AVL9: variants seen among roughly 807,000 people sequenced by gnomAD.
The protein encoded by AVL9 is late secretory pathway protein AVL9 homolog.
Under a neutral mutation model 79.2 loss-of-function variants are expected in AVL9, and 49 were observed. That is an observed-to-expected ratio of 0.62 (90% CI 0.49 to 0.79). The LOEUF (loss-of-function observed/expected upper bound fraction) is 0.79. AVL9 is among the 30% of genes least tolerant of loss of function. The pLI, the probability that AVL9 is intolerant of heterozygous loss-of-function variation, is 0.00. For missense variants in AVL9, 682 were observed against 776.8 expected (o/e 0.88, Z 1.45); for synonymous variants, 299 against 280.6 (o/e 1.07, Z -0.65).
chr7:32,558,493 T>A, intron 8 of AVL9, 66 bp from the exon 9 acceptor site: 1 of 1,256,686 alleles, frequency 8.0e-7, no homozygotes, highest in South Asian at 1.3e-5. Context: ...TCCCTCTTTT[T>A]TATTTGTTAT....
At chr7:32,523,149 C>T (rs1395235853) in intron 1 of AVL9, among the ~76,000 whole-genome samples, 2 of 11,674 alleles carry the variant, frequency 1.7e-4, no homozygotes, top group African/African-American at 5.6e-4. Flanking sequence ...GGGTAATTAA[C>T]CAAAAAAAAA....
chr7:32,527,481 A>T (rs1374455685), intron 1 of AVL9, among the ~76,000 whole-genome samples: 6 of 152,138 alleles, frequency 3.9e-5, no homozygotes, highest in African/African-American at 1.4e-4. Context: ...CAGTGCATAC[A>T]AGTTAAAAAT....
At chr7:32,562,249 G>A (rs924817666) in intron 10 of AVL9, among the ~76,000 whole-genome samples, 13 of 149,134 alleles carry the variant, frequency 8.7e-5, no homozygotes, top group Non-Finnish European at 1.6e-4. Flanking sequence ...AAAAAGAGGT[G>A]CCTATGTATA....
At chr7:32,540,959 C>T (rs1789167727) in intron 1 of AVL9, among the ~76,000 whole-genome samples, 10 of 124,288 alleles carry the variant, frequency 8.0e-5, no homozygotes, top group South Asian at 7.9e-4. Context: ...AGTGCAGTGG[C>T]GGGATCTTGG....
At chr7:32,565,037 C>T (rs1239653468) in intron 10 of AVL9, among the ~76,000 whole-genome samples, 8 of 152,106 alleles carry the variant, frequency 5.3e-5, no homozygotes, top group Admixed American at 5.2e-4. Context: ...CCATTCTTCC[C>T]TGATTTTAAG....
intron 10 of AVL9, among the ~76,000 whole-genome samples, chr7:32,562,348 ATAT>A (rs760341045): frequency 5.3e-5 from 8 of 152,196 alleles, no homozygotes; most frequent in East Asian, 1.9e-4. Flanking sequence ...ACAAATACAA[ATAT>A]TATACATATG....
chr7:32,512,752 G>C lies in AVL9; in HGVS notation c.93+16950G>C, dbSNP rs573636334. 5.3e-5 allele frequency among the ~76,000 whole-genome samples: 8 copies of C among 152,284 alleles called. No homozygotes were observed. The South Asian group carries it at 1.7e-3, about 32-fold the overall frequency. On this transcript the variant is annotated intron_variant, in intron 1 of 15. Coordinates refer to ENST00000318709, the MANE Select transcript of AVL9 (RefSeq NM_015060.3). ...AGCAGTAACAGAAATCTTCGAGCTT[G>C]CAGGATGGCAGATAAGAAACAACTT...
intron 1 of AVL9, among the ~76,000 whole-genome samples, chr7:32,516,578 G>A (rs959856592): frequency 6.6e-6 from 1 of 152,106 alleles, no homozygotes; most frequent in Non-Finnish European, 1.5e-5. Context: ...GCCCTACAGG[G>A]AATCCCCAAC....
At chr7:32,502,392 CAAAAAA>C (rs70992721) in intron 1 of AVL9, among the ~76,000 whole-genome samples, 1 of 114,400 alleles carries the variant, frequency 8.7e-6, no homozygotes, top group Non-Finnish European at 1.7e-5. Flanking sequence ...AACCCTTTCT[CAAAAAA>C]AAAAAAAAAA....
chr7:32,502,688 G>A (rs528466415), intron 1 of AVL9, among the ~76,000 whole-genome samples: 1 of 151,924 alleles, frequency 6.6e-6, no homozygotes, highest in South Asian at 2.1e-4. Flanking sequence ...CATTTTTTTG[G>A]TGAAGTTTGT....
intron 3 of AVL9, 45 bp downstream of exon 3, chr7:32,544,824 G>A: frequency 7.1e-7 from 1 of 1,413,036 alleles, no homozygotes; most frequent in Non-Finnish European, 1.0e-6. Context: ...TCCCTTCTTA[G>A]ATGTTGGACA....
chr7:32,522,097 A>G (rs1788182937), intron 1 of AVL9, among the ~76,000 whole-genome samples: 1 of 152,242 alleles, frequency 6.6e-6, no homozygotes, highest in African/African-American at 2.4e-5. Flanking sequence ...GGGCCCTCAT[A>G]GAGAACCTCT....
chr7:32,498,060 TA>T (rs1450001596), intron 1 of AVL9, among the ~76,000 whole-genome samples: 3 of 152,332 alleles, frequency 2.0e-5, no homozygotes, highest in Admixed American at 1.3e-4. Flanking sequence ...ACCTTTGTTT[TA>T]AAAGTGATGC....
intron 1 of AVL9, among the ~76,000 whole-genome samples, chr7:32,523,508 CTTTTTTTTTT>C (rs70992725): frequency 7.6e-5 from 6 of 79,278 alleles, no homozygotes; most frequent in East Asian, 8.9e-4. Flanking sequence ...TATAAATTTC[CTTTTTTTTTT>C]TTTTTTTTTT....
At chr7:32,525,640 G>T (rs4573152) in intron 1 of AVL9, among the ~76,000 whole-genome samples, 8 of 151,938 alleles carry the variant, frequency 5.3e-5, no homozygotes, top group Admixed American at 5.3e-4. Context: ...GTAATCTCTA[G>T]AGAGTATCAG....
At chr7:32,573,462 T>G (rs754415869) in intron 12 of AVL9, 44 bp downstream of exon 12, 7 of 1,533,532 alleles carry the variant, frequency 4.6e-6, no homozygotes, top group Non-Finnish European at 6.3e-6. Flanking sequence ...TTTATTATAA[T>G]TTTTCATTTT....
At chr7:32,519,428 A>AG (rs562224481) in intron 1 of AVL9, among the ~76,000 whole-genome samples, 2 of 75,430 alleles carry the variant, frequency 2.7e-5, no homozygotes, top group South Asian at 3.0e-4. Flanking sequence ...ACTCTGTCCC[A>AG]AAAAAAAAAA....
chr7:32,563,176 T>G (rs1583581416), intron 10 of AVL9, among the ~76,000 whole-genome samples: 1 of 151,938 alleles, frequency 6.6e-6, no homozygotes. Flanking sequence ...GGACTACAGG[T>G]GCCCATCACT....
intron 7 of AVL9, 51 bp from the exon 8 acceptor site, chr7:32,554,507 T>C: frequency 8.3e-7 from 1 of 1,201,552 alleles, no homozygotes; most frequent in Non-Finnish European, 1.2e-6. Context: ...AAAGATGAAT[T>C]ATAGGCGTGA....
Sources: allele counts gnomAD v4.1 joint callset (sites outside exome capture counted in the v4.1 genomes callset), GRCh38; gene constraint gnomAD v4.1.1; transcripts MANE v1.5; gene names NCBI Gene and HGNC (gene_info 2026-07-23, HGNC 2026-07-21).